Variants in GRIK2 observed in about 807,000 individuals in gnomAD.
The protein encoded by GRIK2 is glutamate receptor ionotropic, kainate 2.
In GRIK2, 32 loss-of-function variants were observed where a neutral mutation model predicts 100.3. That is an observed-to-expected ratio of 0.32 (90% CI 0.24 to 0.43). GRIK2 has a LOEUF of 0.43. Ranked by LOEUF, GRIK2 falls within the 20% of genes least tolerant of loss-of-function variation. The pLI is 1.00. For synonymous variants in GRIK2, 417 were observed against 389.4 expected, an observed-to-expected ratio of 1.07 and a Z score of -0.83; for missense variants, 843 against 1,114.9, an observed-to-expected ratio of 0.76 and a Z score of 3.47.
rs148450880 is a variant in GRIK2, at chr6:101,465,300, CTAT to C, written c.115+65913_115+65915del. ...TCCCATCCTTCCAAGTCTCCAATTT[CTAT>C]TATTCCACACTTGATGTCCATGTAT... is the stretch of plus-strand genomic sequence containing the variant. On this transcript the variant is annotated intron_variant, in intron 2 of 16. Coordinates refer to ENST00000369134, the MANE Select transcript of GRIK2 (RefSeq NM_021956.5). 5.9e-4 allele frequency among the ~76,000 whole-genome samples: 90 copies of C among 152,214 alleles called. 1 individual carries two copies. In the East Asian group the frequency reaches 0.013, roughly 22 times the overall value.
At chr6:101,416,583 G>C (rs1776149570) in intron 2 of GRIK2, among the ~76,000 whole-genome samples, 1 of 152,128 alleles carries the variant, frequency 6.6e-6, no homozygotes, top group South Asian at 2.1e-4. Flanking sequence ...AAATTAAATT[G>C]AACTTCAAAA....
At chr6:101,536,148 T>G (rs149541565) in intron 2 of GRIK2, among the ~76,000 whole-genome samples, 2,395 of 150,754 alleles carry the variant, frequency 0.016, 70 homozygotes, top group African/African-American at 0.055. Flanking sequence ...TTTGTGTATG[T>G]GTGTGAACTT....
intron 14 of GRIK2, chr6:101,993,386 A>T (rs565935631): frequency 9.9e-5 from 15 of 151,604 alleles, no homozygotes; most frequent in African/African-American, 3.6e-4. Flanking sequence ...TGAAGTGTTA[A>T]AGTTTTATTT....
At chr6:102,049,476 C>T (rs1369172915) in intron 15 of GRIK2, among the ~76,000 whole-genome samples, 1 of 152,000 alleles carries the variant, frequency 6.6e-6, no homozygotes, top group Non-Finnish European at 1.5e-5. Context: ...AAAAATTCTT[C>T]CCCGACAATA....
intron 7 of GRIK2, among the ~76,000 whole-genome samples, chr6:101,694,225 C>T (rs752232215): frequency 6.6e-6 from 1 of 152,024 alleles, no homozygotes. Flanking sequence ...AGGCATTGAA[C>T]TTGAGAAAGC....
chr6:101,683,763 T>C (rs1771465074), intron 6 of GRIK2, among the ~76,000 whole-genome samples: 1 of 152,206 alleles, frequency 6.6e-6, no homozygotes, highest in African/African-American at 2.4e-5. Context: ...TGCCATTAGA[T>C]AATTTCGAAA....
intron 2 of GRIK2, among the ~76,000 whole-genome samples, chr6:101,497,921 G>A (rs988599950): frequency 6.6e-6 from 1 of 151,484 alleles, no homozygotes; most frequent in African/African-American, 2.4e-5. Flanking sequence ...CAATGTGCAG[G>A]TTAGTTACAT....
At position 101,789,197 on chromosome 6, in the gene GRIK2, G is replaced by A. The variant is rs550445743; in HGVS notation, c.952-10451G>A. 1.3e-4 allele frequency among the ~76,000 whole-genome samples: 20 copies of A among 152,244 alleles called. 1 individual carries two copies. Among genetic ancestry groups the A allele is most frequent in the African/African-American group, 3.4e-4 (14 of 41,554 alleles). Reference sequence around the variant, plus strand: ...TAGTAGTTTCTTTTGCTGTGCAGAAGCTGTTTAGTTTAATTAGATCCCATT... The same window carrying A: ...TAGTAGTTTCTTTTGCTGTGCAGAAACTGTTTAGTTTAATTAGATCCCATT... On this transcript the variant is annotated intron_variant, in intron 7 of 16. Transcript: ENST00000369134.
chr6:101,515,353 T>G (rs1162547547), intron 2 of GRIK2, among the ~76,000 whole-genome samples: 1 of 152,136 alleles, frequency 6.6e-6, no homozygotes, highest in Non-Finnish European at 1.5e-5. Context: ...ATTTTGCAGT[T>G]GTGAATTGTG....
chr6:101,820,906 A>G (rs1382928239), intron 10 of GRIK2, among the ~76,000 whole-genome samples: 1 of 152,168 alleles, frequency 6.6e-6, no homozygotes, highest in Non-Finnish European at 1.5e-5. Flanking sequence ...ATACTCCATC[A>G]TGGCATTATC....
chr6:102,018,690 G>T lies in GRIK2; in HGVS notation c.2086-16651G>T, dbSNP rs1199116140. 2.0e-5 allele frequency among the ~76,000 whole-genome samples: 3 copies of T among 152,156 alleles called. No homozygotes were observed. The South Asian group carries it at 6.2e-4, about 32-fold the overall frequency. ...TCTCTAATGTTGGGGACAGCAGTTT[G>T]CCCTGTGACATCTCTTCTCTAAAAA... On this transcript the variant is annotated intron_variant, in intron 14 of 16. Transcript: ENST00000369134.
intron 2 of GRIK2, among the ~76,000 whole-genome samples, chr6:101,559,602 G>A (rs1486859139): frequency 6.6e-6 from 1 of 152,100 alleles, no homozygotes; most frequent in African/African-American, 2.4e-5. Flanking sequence ...TCCCAAGAAG[G>A]TTGGGAACAT....
intron 2 of GRIK2, among the ~76,000 whole-genome samples, chr6:101,541,374 AACCACACAC>A (rs1428978899): frequency 2.8e-3 from 6 of 2,120 alleles, no homozygotes; most frequent in Non-Finnish European, 6.7e-3. Flanking sequence ...CAGCGCACAC[AACCACACAC>A]ACACACACAC....
At chr6:101,456,090 G>A (rs937842341) in intron 2 of GRIK2, among the ~76,000 whole-genome samples, 2 of 150,406 alleles carry the variant, frequency 1.3e-5, no homozygotes, top group African/African-American at 4.9e-5. Context: ...CCTTTAAGTT[G>A]TTGGACATTA....
At chr6:101,760,986 A>G (rs183186553) in intron 7 of GRIK2, among the ~76,000 whole-genome samples, 1 of 152,006 alleles carries the variant, frequency 6.6e-6, no homozygotes, top group African/African-American at 2.4e-5. Flanking sequence ...GTCAGCTCTT[A>G]GTTGATGGAC....
chr6:101,490,413 T>C (rs994687792), intron 2 of GRIK2, among the ~76,000 whole-genome samples: 4 of 146,648 alleles, frequency 2.7e-5, no homozygotes, highest in African/African-American at 7.8e-5. Flanking sequence ...CCCTGTGCTC[T>C]TAACCTCTTT....
At chr6:101,840,148 A>T (rs1183889792) in intron 10 of GRIK2, among the ~76,000 whole-genome samples, 1 of 152,194 alleles carries the variant, frequency 6.6e-6, no homozygotes, top group East Asian at 1.9e-4. Context: ...TTGGTTTGAC[A>T]AACAATTATA....
At chr6:102,017,774 C>T (rs1472831413) in intron 14 of GRIK2, among the ~76,000 whole-genome samples, 1 of 152,016 alleles carries the variant, frequency 6.6e-6, no homozygotes, top group Non-Finnish European at 1.5e-5. Flanking sequence ...TTGTTGTATT[C>T]TCAAGTTCAG....
intron 14 of GRIK2, among the ~76,000 whole-genome samples, chr6:101,996,988 CTGTTATT>C (rs1794684833): frequency 6.6e-6 from 1 of 152,044 alleles, no homozygotes; most frequent in African/African-American, 2.4e-5. Flanking sequence ...CTGATAACAT[CTGTTATT>C]TGAGTTGTTA....
Sources: gnomAD v4.1 joint callset for allele counts (sites outside exome capture counted in the v4.1 genomes callset) on GRCh38, gnomAD v4.1.1 for gene constraint, MANE v1.5 for transcripts, NCBI Gene and HGNC (gene_info 2026-07-23, HGNC 2026-07-21) for gene names.